The following PTPRD variants were observed in gnomAD, a reference collection of about 807,000 sequenced individuals.
PTPRD encodes the protein protein tyrosine phosphatase receptor type D, also known as receptor-type tyrosine-protein phosphatase delta.
A neutral mutation model predicts 214.5 loss-of-function variants in PTPRD; 34 were observed. The observed-to-expected ratio is 0.16, with a 90% confidence interval of 0.12 to 0.21. The LOEUF is 0.21. PTPRD is among the 10% of genes least tolerant of loss of function. The pLI is 1.00. For synonymous variants in PTPRD, 1,128 were observed against 845.7 expected, an observed-to-expected ratio of 1.33 and a Z score of -5.79; for missense variants, 2,545 against 2,398.7, an observed-to-expected ratio of 1.06 and a Z score of -1.27.
chr9:9,858,272 T>A (rs2061957380), intron 5 of PTPRD, among the ~76,000 whole-genome samples: 2 of 152,180 alleles, frequency 1.3e-5, no homozygotes, highest in Admixed American at 6.5e-5. Context: ...ACAATAAATA[T>A]GATGGCACCA....
At chr9:9,937,707 T>C (rs1231477266) in intron 5 of PTPRD, among the ~76,000 whole-genome samples, 1 of 152,186 alleles carries the variant, frequency 6.6e-6, no homozygotes, top group Non-Finnish European at 1.5e-5. Flanking sequence ...TTATCTTCTT[T>C]ACTATTCTTT....
intron 11 of PTPRD, among the ~76,000 whole-genome samples, chr9:8,937,143 T>C (rs1171740751): frequency 4.6e-5 from 7 of 152,292 alleles, no homozygotes; most frequent in African/African-American, 1.4e-4. Context: ...TTAGCTATAT[T>C]GTGTTGAGTA....
At chr9:10,065,140 T>TGAGAAAGAAAGAAAGAAAGA (rs1567443905) in intron 3 of PTPRD, among the ~76,000 whole-genome samples, 1 of 8,384 alleles carries the variant, frequency 1.2e-4, no homozygotes. Context: ...GTGACTTGGA[T>TGAGAAAGAAAGAAAGAAAGA]TAGAAAGAAA....
chr9:8,823,143 C>T (rs1431203299), intron 11 of PTPRD, among the ~76,000 whole-genome samples: 1 of 152,116 alleles, frequency 6.6e-6, no homozygotes, highest in Non-Finnish European at 1.5e-5. Context: ...TTCTACTCTA[C>T]TTTAATATCC....
chr9:8,527,573 G>C (rs139299972), intron 15 of PTPRD, among the ~76,000 whole-genome samples: 12 of 152,108 alleles, frequency 7.9e-5, no homozygotes, highest in Middle Eastern at 3.4e-3. Context: ...AACATCACAG[G>C]ACAGGTCAAA....
At chr9:10,327,396 T>C (rs1285200223) in intron 3 of PTPRD, among the ~76,000 whole-genome samples, 1 of 151,540 alleles carries the variant, frequency 6.6e-6, no homozygotes, top group Non-Finnish European at 1.5e-5. Flanking sequence ...ATAAAATGTA[T>C]GTGTTTCCAC....
chr9:8,580,791 C>A (rs574963012), intron 14 of PTPRD, among the ~76,000 whole-genome samples: 1 of 152,088 alleles, frequency 6.6e-6, no homozygotes, highest in Non-Finnish European at 1.5e-5. Context: ...CACACACACA[C>A]GCTTATATAA....
intron 4 of PTPRD, among the ~76,000 whole-genome samples, chr9:9,972,391 T>C (rs545419271): frequency 1.3e-5 from 2 of 152,314 alleles, no homozygotes; most frequent in Admixed American, 6.5e-5. Context: ...TTTCGGTAAC[T>C]GTCATGATAG....
intron 7 of PTPRD, among the ~76,000 whole-genome samples, chr9:9,610,247 A>T (rs546497827): frequency 5.1e-4 from 78 of 152,350 alleles, no homozygotes; most frequent in Non-Finnish European, 9.7e-4. Context: ...GAACAACTAC[A>T]ACATTATGCA....
At chr9:9,266,855 A>C (rs1940026077) in intron 9 of PTPRD, among the ~76,000 whole-genome samples, 1 of 151,220 alleles carries the variant, frequency 6.6e-6, no homozygotes, top group Admixed American at 6.6e-5. Flanking sequence ...ATGGAGAAAA[A>C]AAAAATCTTT....
At chr9:9,534,128 C>G (rs2154266568) in intron 8 of PTPRD, among the ~76,000 whole-genome samples, 1 of 152,130 alleles carries the variant, frequency 6.6e-6, no homozygotes, top group Non-Finnish European at 1.5e-5. Flanking sequence ...GTTGCTCATC[C>G]TCTCATACAT....
chr9:8,373,913 T>TCTATCTATCTATCTATCTAC lies in PTPRD; in HGVS notation c.4661+2022_4661+2023insGTAGATAGATAGATAGATAG, dbSNP rs373840784. On this transcript the variant is annotated intron_variant, in intron 39 of 45. Transcript: ENST00000381196. ...ATCTATCTATCTATCTATCTATCTA[T>TCTATCTATCTATCTATCTAC]CTACCTACCTACCTATCTCAGTTTT... Among the ~76,000 whole-genome samples the TCTATCTATCTATCTATCTAC allele has an allele frequency of 3.8e-5, 3 of 78,526 alleles. No homozygotes were observed. The South Asian group carries it at 1.2e-3, about 31-fold the overall frequency. The allele number at this position is 78,526 out of a possible 152,430, so 51.5% of individuals were successfully genotyped here. A position where few individuals can be genotyped will look rare whatever the true frequency, so the allele number is the denominator to read the frequency against.
At chr9:8,619,571 T>C (rs1484083700) in intron 14 of PTPRD, among the ~76,000 whole-genome samples, 3 of 152,016 alleles carry the variant, frequency 2.0e-5, no homozygotes, top group Non-Finnish European at 4.4e-5. Context: ...GATAACTATG[T>C]CTTCTTTAAT....
intron 2 of PTPRD, among the ~76,000 whole-genome samples, chr9:10,516,256 A>G (rs1458536478): frequency 6.6e-6 from 1 of 151,848 alleles, no homozygotes; most frequent in Non-Finnish European, 1.5e-5. Context: ...TAAAAAAAAT[A>G]ATAGTCATCC....
intron 11 of PTPRD, among the ~76,000 whole-genome samples, chr9:8,750,803 G>A (rs1333185473): frequency 6.6e-6 from 1 of 152,156 alleles, no homozygotes; most frequent in Non-Finnish European, 1.5e-5. Flanking sequence ...AAGCAACAGT[G>A]GAGAGACTGG....
intron 4 of PTPRD, among the ~76,000 whole-genome samples, chr9:9,980,978 A>G (rs551687805): frequency 2.0e-3 from 300 of 152,286 alleles, no homozygotes; most frequent in African/African-American, 6.6e-3. Flanking sequence ...ATTCTGCAGA[A>G]AAGTCTCACA....
chr9:9,645,745 C>A (rs973967858), intron 7 of PTPRD, among the ~76,000 whole-genome samples: 1 of 151,950 alleles, frequency 6.6e-6, no homozygotes, highest in Admixed American at 6.6e-5. Context: ...CCTGTATAAC[C>A]TTTTAGCTTT....
At chr9:9,269,491 T>G (rs1594880989) in intron 9 of PTPRD, among the ~76,000 whole-genome samples, 1 of 151,536 alleles carries the variant, frequency 6.6e-6, no homozygotes, top group East Asian at 2.0e-4. Context: ...GATCCAGCAA[T>G]CCCACTTCTG....
intron 12 of PTPRD, among the ~76,000 whole-genome samples, chr9:8,668,619 G>T (rs778211986): frequency 6.6e-6 from 1 of 152,174 alleles, no homozygotes; most frequent in Non-Finnish European, 1.5e-5. Context: ...TATATAAAGA[G>T]ATGGTGAAAT....
Sources: allele counts gnomAD v4.1 joint callset (sites outside exome capture counted in the v4.1 genomes callset), GRCh38; gene constraint gnomAD v4.1.1; transcripts MANE v1.5; gene names NCBI Gene and HGNC (gene_info 2026-07-23, HGNC 2026-07-21).